The following F13B variants were observed in gnomAD, a reference collection of about 807,000 sequenced individuals.
F13B encodes the protein coagulation factor XIII B chain, also known as TGase.
A neutral mutation model predicts 79.8 loss-of-function variants in F13B; 58 were observed. The observed-to-expected ratio is 0.73, with a 90% CI of 0.59 to 0.90. The LOEUF (loss-of-function observed/expected upper bound fraction) is 0.90, where lower values mean the gene tolerates loss of function less well. Among genes scored for constraint, F13B ranks in the 40% least tolerant of loss-of-function variants. The pLI, the probability that F13B is intolerant of heterozygous loss-of-function variation, is 0.00. For synonymous variants in F13B, 283 were observed against 260.3 expected (o/e 1.09, Z -0.84); for missense variants, 773 against 777.0 (o/e 0.99, Z 0.06).
At chr1:197,055,966 G>A in intron 7 of F13B, 69 bp from the exon 8 acceptor site, 2 of 1,257,156 alleles carry the variant, frequency 1.6e-6, no homozygotes, top group Non-Finnish European at 1.1e-6. Flanking sequence ...TCATACTATA[G>A]TGTCTCGATA....
Position 197,057,207 on chromosome 1 carries a change from G to C in F13B, c.986-9C>G. 1 of 1,613,836 alleles carries C rather than the reference G, an allele frequency of 6.2e-7. No homozygotes were observed. The highest frequency in any genetic ancestry group is 8.5e-7 in the Non-Finnish European group (1 of 1,179,908). Reference sequence around the variant, plus strand: ...TACCTTCTCCTGTCCTTCTGAAAAGGTACAGTTGAAAGAGAACTGACCATT... The same window carrying C: ...TACCTTCTCCTGTCCTTCTGAAAAGCTACAGTTGAAAGAGAACTGACCATT... On this transcript the variant is annotated splice_polypyrimidine_tract_variant and intron_variant, in intron 6 of 11. Coordinates refer to ENST00000367412, the MANE Select transcript of F13B (RefSeq NM_001994.3).
chr1:197,040,586 A>G lies in F13B; in HGVS notation c.1888T>C (p.Ser630Pro). ...CTGTCACATTGCATTCTAAGTATAG[A>G]TCCAGTAATATATAATTCAGCTGGA... Reference protein sequence around the residue: ...TYPAELYITGSILRMQCDRGQ... With the variant: ...TYPAELYITGPILRMQCDRGQ... Residue 630 changes from serine to proline, a missense_variant, in exon 11 of 12, where the codon TCT becomes CCT. Physicochemically the swap from Ser to Pro is moderately conservative, Grantham distance 74. Transcript: ENST00000367412. The G allele has an allele frequency of 6.2e-7, 1 of 1,613,076 alleles. No individual in the cohort carries two copies. Among genetic ancestry groups the G allele is most frequent in the Non-Finnish European group, 8.5e-7 (1 of 1,179,334 alleles).
At position 197,057,120 on chromosome 1, in the gene F13B, T is replaced by A. The variant is rs1157047309; in HGVS notation, c.1064A>T (p.Tyr355Phe). 6.2e-7 allele frequency: 1 copy of A among 1,613,796 alleles called. No individual in the cohort carries two copies. The highest frequency in any genetic ancestry group is 8.5e-7 in the Non-Finnish European group (1 of 1,179,920). ...TGCATATGTCACTTTATCCCCATTG[T>A]AATAAATCTTAGAGTGTAAATTTGC... Reference protein sequence around the residue: ...GAANLHSKIYYNGDKVTYACK... With the variant: ...GAANLHSKIYFNGDKVTYACK... Residue 355 changes from tyrosine (Y) to phenylalanine (F), a missense_variant, in exon 7 of 12, where the codon TAC becomes TTC. Coordinates refer to ENST00000367412, the MANE Select transcript of F13B (RefSeq NM_001994.3).
chr1:197,041,707 G>A (rs1426861657), intron 10 of F13B, among the ~76,000 whole-genome samples: 4 of 152,118 alleles, frequency 2.6e-5, no homozygotes, highest in African/African-American at 9.7e-5. Context: ...TTTGGAACAT[G>A]TTTCTGTTCA....
chr1:197,050,055 A>C (rs1445396231), intron 10 of F13B, among the ~76,000 whole-genome samples: 3 of 152,140 alleles, frequency 2.0e-5, no homozygotes, highest in Non-Finnish European at 4.4e-5. Context: ...ATTTATAACA[A>C]CACATAGAGG....
chr1:197,039,974 G>A (rs1163732950), intron 11 of F13B, among the ~76,000 whole-genome samples: 2 of 151,900 alleles, frequency 1.3e-5, no homozygotes, highest in East Asian at 3.9e-4. Context: ...CTACAAAATG[G>A]TTTACATCAT....
chr1:197,041,061 G>A (rs17549839), intron 10 of F13B, among the ~76,000 whole-genome samples: 9 of 152,184 alleles, frequency 5.9e-5, no homozygotes, highest in African/African-American at 2.2e-4. Flanking sequence ...TTGGGGGGAA[G>A]CATTGACAGT....
chr1:197,055,948 A>G, intron 7 of F13B, 51 bp from the exon 8 acceptor site: 1 of 1,345,028 alleles, frequency 7.4e-7, no homozygotes, highest in Non-Finnish European at 1.1e-6. Context: ...ACAATATACT[A>G]TAGTAACTCA....
At chr1:197,061,472 T>A (rs1341769501) in intron 3 of F13B, among the ~76,000 whole-genome samples, 2 of 152,144 alleles carry the variant, frequency 1.3e-5, no homozygotes, top group African/African-American at 4.8e-5. Flanking sequence ...ATAATGTACA[T>A]GATCTTAAAT....
chr1:197,060,975 G>A lies in F13B; in HGVS notation c.552C>T (p.Tyr184=), dbSNP rs1408693947. 1 of 1,612,632 alleles carries A rather than the reference G, an allele frequency of 6.2e-7. No homozygotes were observed. The highest frequency in any genetic ancestry group is 8.5e-7 in the Non-Finnish European group (1 of 1,178,916). ...CTGTCTTCTTTCCTCCAGCTGTGTA[G>A]TAGCCAGTAGCACATTCGTATTGTA... ...DKVQYECATG[Y]YTAGGKKTEE... is the part of the protein sequence containing the mutation. The change falls in exon 4 of 12, where the codon TAC becomes TAT. Residue 184 remains tyrosine (Y), a synonymous_variant. Transcript: ENST00000367412.
At chr1:197,043,302 A>G (rs1339337392) in intron 10 of F13B, among the ~76,000 whole-genome samples, 1 of 152,180 alleles carries the variant, frequency 6.6e-6, no homozygotes, top group Non-Finnish European at 1.5e-5. Flanking sequence ...AGAAAGCTTT[A>G]TTTCTAATTG....
chr1:197,047,965 G>C (rs992129985), intron 10 of F13B, among the ~76,000 whole-genome samples: 2 of 152,016 alleles, frequency 1.3e-5, no homozygotes, highest in African/African-American at 4.8e-5. Context: ...ACAGGGCAGG[G>C]AATATCAAAC....
intron 10 of F13B, among the ~76,000 whole-genome samples, chr1:197,049,779 A>G (rs1229478531): frequency 6.6e-6 from 1 of 152,116 alleles, no homozygotes; most frequent in Non-Finnish European, 1.5e-5. Context: ...GATGAGTAAA[A>G]TATTGATAAA....
chr1:197,057,047 A>C lies in F13B; in HGVS notation c.1137T>G (p.Asn379Lys), dbSNP rs1377234537. Reference sequence around the variant, plus strand: ...CAGGAGGAAGTGTCCATTTTCCACGATTACAAGTTATCTCATTCGATCCAT... The same window carrying C: ...CAGGAGGAAGTGTCCATTTTCCACGCTTACAAGTTATCTCATTCGATCCAT... ...LLHGSNEITCNRGKWTLPPEC... is the reference protein window; with the variant it reads ...LLHGSNEITCKRGKWTLPPEC... The change falls in exon 7 of 12, where the codon AAT (asparagine) becomes AAG (lysine). Residue 379 changes from asparagine to lysine, a missense_variant. Asn to Lys is a moderately conservative substitution (Grantham distance 94). Coordinates refer to ENST00000367412, the MANE Select transcript of F13B (RefSeq NM_001994.3). 1 of 1,613,752 alleles carries C rather than the reference A, an allele frequency of 6.2e-7. No individual in the cohort carries two copies. The highest frequency in any genetic ancestry group is 1.7e-5 in the Admixed American group (1 of 59,936).
At chr1:197,047,021 A>G (rs1655258119) in intron 10 of F13B, among the ~76,000 whole-genome samples, 2 of 152,232 alleles carry the variant, frequency 1.3e-5, no homozygotes, top group African/African-American at 4.8e-5. Flanking sequence ...AAGATGCATT[A>G]AAAATTTAAA....
At position 197,043,642 on chromosome 1, in the gene F13B, G is replaced by A. The variant is rs565734721; in HGVS notation, c.1739-2907C>T. ...AACTGAAATTGAGAACTCAAAAGAT[G>A]AGTTTAAAGCAGATTGGATACATCT... is the stretch of plus-strand genomic sequence containing the variant. On this transcript the variant is annotated intron_variant, in intron 10 of 11. Transcript: ENST00000367412. Among the ~76,000 whole-genome samples the A allele has an allele frequency of 1.5e-3, 226 of 152,252 alleles. 2 individuals carry two copies. The highest frequency in any genetic ancestry group is 4.9e-3 in the African/African-American group (204 of 41,558).
intron 3 of F13B, 45 bp from the exon 4 acceptor site, chr1:197,061,120 C>T (rs1162247564): frequency 1.2e-5 from 11 of 951,660 alleles, no homozygotes; most frequent in Non-Finnish European, 1.7e-5. Flanking sequence ...TTTTAATAAC[C>T]TAGATTATAA....
At chr1:197,066,973 C>T (rs1656076111) in intron 1 of F13B, among the ~76,000 whole-genome samples, 187 bp downstream of exon 1, 1 of 151,918 alleles carries the variant, frequency 6.6e-6, no homozygotes, top group Admixed American at 6.6e-5. Context: ...ACTTATGCTA[C>T]TGTAAGAACA....
chr1:197,055,546 C>G (rs1278947807), intron 8 of F13B, among the ~76,000 whole-genome samples, 169 bp downstream of exon 8: 5 of 151,654 alleles, frequency 3.3e-5, no homozygotes, highest in Non-Finnish European at 7.4e-5. Context: ...TATTTTACCA[C>G]AATAGAAAAA....
Sources: allele counts gnomAD v4.1 joint callset (sites outside exome capture counted in the v4.1 genomes callset), GRCh38; gene constraint gnomAD v4.1.1; transcripts MANE v1.5; gene names NCBI Gene and HGNC (gene_info 2026-07-23, HGNC 2026-07-21).